Variants in TULP4 observed in about 807,000 individuals in gnomAD.
TULP4 encodes TUB like protein 4.
Under a neutral mutation model 129.0 loss-of-function variants are expected in TULP4, and 16 were observed. The observed-to-expected ratio is 0.12, with a 90% CI of 0.08 to 0.19. The LOEUF (loss-of-function observed/expected upper bound fraction) is 0.19, where lower values mean the gene tolerates loss of function less well. Ranked by LOEUF, TULP4 falls within the 10% of genes least tolerant of loss-of-function variation. The probability of loss-of-function intolerance (pLI) is 1.00; values close to 1 mark genes in which losing one functional copy is unlikely to be tolerated. For missense variants in TULP4, 1,842 were observed against 2,059.1 expected, an observed-to-expected ratio of 0.89 and a Z score of 2.04; for synonymous variants, 998 against 854.0, an observed-to-expected ratio of 1.17 and a Z score of -2.94.
chr6:158,481,328 T>G, intron 8 of TULP4, 39 bp downstream of exon 8: 2 of 1,575,218 alleles, frequency 1.3e-6, no homozygotes, highest in African/African-American at 1.4e-5. Flanking sequence ...CTTGTTCTCC[T>G]GTGGTCATGG....
chr6:158,253,213 T>A (rs1022257171), intron 1 of TULP4, among the ~76,000 whole-genome samples: 2 of 152,228 alleles, frequency 1.3e-5, no homozygotes, highest in Admixed American at 6.5e-5. Context: ...GATTTTTAAG[T>A]CTAGGAGAGA....
intron 3 of TULP4, among the ~76,000 whole-genome samples, chr6:158,444,246 A>AAAG (rs1562568657): frequency 2.3e-5 from 2 of 86,704 alleles, no homozygotes; most frequent in Non-Finnish European, 2.5e-5. Context: ...AAAAAAAAAA[A>AAAG]TTTTTTTTTT....
intron 2 of TULP4, among the ~76,000 whole-genome samples, chr6:158,418,394 C>T (rs1373899503): frequency 1.3e-5 from 2 of 149,512 alleles, no homozygotes; most frequent in African/African-American, 5.0e-5. Flanking sequence ...AGGCATGAGC[C>T]ACCACTTTTT....
At chr6:158,417,760 T>TATATATTTTCATTATATA (rs1778243007) in intron 2 of TULP4, among the ~76,000 whole-genome samples, 1 of 152,246 alleles carries the variant, frequency 6.6e-6, no homozygotes. Context: ...TTATATAGCA[T>TATATATTTTCATTATATA]GCTTTTCATT....
chr6:158,267,990 C>T (rs1338333793), intron 1 of TULP4, among the ~76,000 whole-genome samples: 1 of 148,770 alleles, frequency 6.7e-6, no homozygotes, highest in Non-Finnish European at 1.5e-5. Context: ...TGTTCTTTTA[C>T]ATTTGTTTGA....
chr6:158,471,649 G>C (rs915069615), intron 6 of TULP4, among the ~76,000 whole-genome samples: 8 of 152,228 alleles, frequency 5.3e-5, no homozygotes, highest in African/African-American at 1.9e-4. Flanking sequence ...AAGGCCATAT[G>C]TATGAGGCCA....
chr6:158,339,505 G>A (rs1780129142), intron 1 of TULP4, among the ~76,000 whole-genome samples: 1 of 152,152 alleles, frequency 6.6e-6, no homozygotes. Context: ...AGACTAGGAT[G>A]TGCTTCATCC....
intron 12 of TULP4, among the ~76,000 whole-genome samples, chr6:158,501,368 C>G (rs563339522): frequency 6.6e-6 from 1 of 152,278 alleles, no homozygotes; most frequent in African/African-American, 2.4e-5. Flanking sequence ...CAGTAAAAAG[C>G]TTCTTCAGAC....
chr6:158,444,092 A>T (rs1457866614), intron 3 of TULP4, among the ~76,000 whole-genome samples: 5 of 151,344 alleles, frequency 3.3e-5, no homozygotes, highest in Admixed American at 6.6e-5. Context: ...TGGTGGCGCA[A>T]GCCTGTAGTC....
Position 158,487,461 on chromosome 6 carries a change from A to G in TULP4, c.1487-2127A>G, listed in dbSNP as rs762442271. On this transcript the variant is annotated intron_variant, in intron 8 of 13. Transcript: ENST00000367097. ...CTCCATCTCCCAAAAAAACCCACAAAGCCTTCAACCCAGAAGAAATTAGCA... is the reference window on the plus strand; with the variant it reads ...CTCCATCTCCCAAAAAAACCCACAAGGCCTTCAACCCAGAAGAAATTAGCA... 1.5e-4 allele frequency among the ~76,000 whole-genome samples: 23 copies of G among 152,196 alleles called. 1 individual carries two copies. Among genetic ancestry groups the G allele is most frequent in the South Asian group, 1.0e-3 (5 of 4,838 alleles).
At chr6:158,436,481 A>G (rs958123885) in intron 3 of TULP4, among the ~76,000 whole-genome samples, 1 of 152,208 alleles carries the variant, frequency 6.6e-6, no homozygotes, top group East Asian at 1.9e-4. Context: ...TTTTGAAAAC[A>G]TGATTATATT....
chr6:158,237,295 C>T (rs646732), intron 1 of TULP4: 64,317 of 1,428,140 alleles, frequency 0.045, 1,726 homozygotes, highest in Middle Eastern at 0.072. Flanking sequence ...CTAATGTTAC[C>T]GAGACTAGTT....
intron 1 of TULP4, among the ~76,000 whole-genome samples, chr6:158,393,263 GC>G (rs905190954): frequency 7.2e-5 from 11 of 152,306 alleles, no homozygotes; most frequent in Admixed American, 2.6e-4. Flanking sequence ...GTAGGGTACA[GC>G]CCCCATGGCT....
intron 2 of TULP4, among the ~76,000 whole-genome samples, chr6:158,422,419 A>C (rs1778366152): frequency 6.6e-6 from 1 of 152,222 alleles, no homozygotes; most frequent in Non-Finnish European, 1.5e-5. Context: ...TAAAAAGAAA[A>C]CCTTGATTCT....
intron 2 of TULP4, among the ~76,000 whole-genome samples, chr6:158,416,725 C>T (rs1778219057): frequency 6.6e-6 from 1 of 152,166 alleles, no homozygotes; most frequent in African/African-American, 2.4e-5. Context: ...AAGGTAATGT[C>T]CTAGGCCTTC....
chr6:158,386,636 TTCAGA>T (rs1187460400), intron 1 of TULP4, among the ~76,000 whole-genome samples: 1 of 152,236 alleles, frequency 6.6e-6, no homozygotes, highest in African/African-American at 2.4e-5. Context: ...AGTCACAGAA[TTCAGA>T]TCAGATTTTC....
At chr6:158,286,845 C>G (rs1474157839) in intron 1 of TULP4, among the ~76,000 whole-genome samples, 2 of 152,114 alleles carry the variant, frequency 1.3e-5, no homozygotes, top group Non-Finnish European at 2.9e-5. Flanking sequence ...CTAAAATATG[C>G]TATTTCCTTC....
chr6:158,390,691 A>G (rs1045812249), intron 1 of TULP4, among the ~76,000 whole-genome samples: 1 of 152,236 alleles, frequency 6.6e-6, no homozygotes, highest in African/African-American at 2.4e-5. Flanking sequence ...GAAGAGTCAT[A>G]TGACGTGAAG....
intron 13 of TULP4, among the ~76,000 whole-genome samples, chr6:158,506,089 G>A (rs1331549043): frequency 3.9e-5 from 6 of 151,936 alleles, no homozygotes; most frequent in Admixed American, 1.3e-4. Flanking sequence ...CTTATTTCCT[G>A]CAAACTTGGA....
Sources: gnomAD v4.1 joint callset for allele counts (sites outside exome capture counted in the v4.1 genomes callset) on GRCh38, gnomAD v4.1.1 for gene constraint, MANE v1.5 for transcripts, NCBI Gene and HGNC (gene_info 2026-07-23, HGNC 2026-07-21) for gene names.